DNM1L: variants seen among roughly 807,000 people sequenced by gnomAD.
DNM1L encodes dynamin-1-like protein.
A neutral mutation model predicts 92.8 loss-of-function variants in DNM1L; 33 were observed. That is an observed-to-expected ratio of 0.36 (90% confidence interval 0.27 to 0.48). The LOEUF is 0.48. Among genes scored for constraint, DNM1L ranks in the 20% least tolerant of loss-of-function variants. The probability of loss-of-function intolerance (pLI) is 0.99; values close to 1 mark genes in which losing one functional copy is unlikely to be tolerated. For synonymous variants in DNM1L, 284 were observed against 305.0 expected (o/e 0.93, Z 0.72); for missense variants, 485 against 888.8 (o/e 0.55, Z 5.78).
rs1262228375 is a variant in DNM1L at position 32,743,675 on chromosome 12, TA to T, written c.*270del. 8.4e-6 allele frequency: 4 copies of T among 473,820 alleles called. No homozygotes were observed. The highest frequency in any genetic ancestry group is 7.8e-5 in the African/African-American group (4 of 51,420). 29.4% of individuals were successfully genotyped at this position (473,820 alleles called of 1,614,324 possible). A position where few individuals can be genotyped will look rare whatever the true frequency, so the allele number is the denominator to read the frequency against. On this transcript the variant is annotated 3_prime_UTR_variant, in exon 20 of 20. Transcript: ENST00000549701. ...GTGACAGTTTCATCTGAACTTAACT[TA>T]AAAACAACTGTTAATGTTCTAGTTG...
intron 1 of DNM1L, among the ~76,000 whole-genome samples, chr12:32,689,420 C>T (rs1952146016): frequency 6.6e-6 from 1 of 152,050 alleles, no homozygotes; most frequent in African/African-American, 2.4e-5. Context: ...TGGTCTCAAC[C>T]TCAGGTGATC....
At chr12:32,713,487 GAT>G in intron 6 of DNM1L, 116 bp downstream of exon 6, 1 of 1,136,960 alleles carries the variant, frequency 8.8e-7, no homozygotes, top group Admixed American at 2.1e-5. Context: ...AAATTTAAAA[GAT>G]AATGCTTTCC....
chr12:32,700,629 C>T (rs756183085), intron 1 of DNM1L, among the ~76,000 whole-genome samples: 18 of 151,894 alleles, frequency 1.2e-4, no homozygotes, highest in Admixed American at 5.3e-4. Flanking sequence ...CCTGTAGTCT[C>T]AGCTACTGGG....
At chr12:32,733,442 T>A in intron 12 of DNM1L, 1 of 379,118 alleles carries the variant, frequency 2.6e-6, no homozygotes, top group East Asian at 5.4e-5. Flanking sequence ...TGACTATTTT[T>A]CCCTAAGAGT....
rs552699796 is a variant in DNM1L, at chr12:32,740,259, G to A, written c.1884+19G>A. 3 of 1,614,188 alleles carry A rather than the reference G, an allele frequency of 1.9e-6. No individual in the cohort carries two copies. The highest frequency in any genetic ancestry group is 2.7e-5 in the African/African-American group (2 of 75,044). The stretch of plus-strand genomic sequence containing the variant: ...AGATGTGGTAAGCCATGACAATTTG[G>A]TTTAGGTAATAAGGTAGGTGACCAA... On this transcript the variant is annotated intron_variant, in intron 17 of 19. Coordinates refer to ENST00000549701, the MANE Select transcript of DNM1L (RefSeq NM_012062.5).
intron 9 of DNM1L, among the ~76,000 whole-genome samples, chr12:32,724,586 AAAAAAAAAT>A (rs1342853045): frequency 2.6e-4 from 18 of 69,644 alleles, no homozygotes; most frequent in African/African-American, 6.7e-4. Flanking sequence ...CAAAAAAAAA[AAAAAAAAAT>A]ATATATATAT....
intron 1 of DNM1L, among the ~76,000 whole-genome samples, chr12:32,695,112 C>A (rs1592578862): frequency 1.3e-5 from 2 of 152,106 alleles, no homozygotes; most frequent in East Asian, 3.9e-4. Flanking sequence ...CAGATAAAAG[C>A]AGGGGAGGTA....
chr12:32,741,317 G>A (rs147955631), intron 18 of DNM1L, among the ~76,000 whole-genome samples: 4 of 152,226 alleles, frequency 2.6e-5, no homozygotes, highest in East Asian at 1.9e-4. Flanking sequence ...ATGGAGTCTC[G>A]CTTTGTCGCC....
chr12:32,718,051 T>A (rs1204628887), intron 6 of DNM1L, among the ~76,000 whole-genome samples: 1 of 132,044 alleles, frequency 7.6e-6, no homozygotes, highest in Non-Finnish European at 1.6e-5. Context: ...ATACTATATA[T>A]ACTATACATA....
At chr12:32,732,504 T>A (rs1474221939) in intron 12 of DNM1L, 1 of 455,858 alleles carries the variant, frequency 2.2e-6, no homozygotes, top group Non-Finnish European at 4.4e-6. Context: ...TGGCTGGGTT[T>A]TTTGTTTTTT....
At position 32,731,810 on chromosome 12, in the gene DNM1L, A is replaced by G. The variant is rs974161404; in HGVS notation, c.1357-44A>G. 5 of 1,560,220 alleles carry G rather than the reference A, an allele frequency of 3.2e-6. No individual in the cohort carries two copies. Among genetic ancestry groups the G allele is most frequent in the Non-Finnish European group, 4.4e-6 (5 of 1,131,872 alleles). ...CTTAGTGAGACTATGACTTAAAAAA[A>G]AAACAAAAAACAAACACGTTTTTCT... On this transcript the variant is annotated intron_variant, in intron 11 of 19. Coordinates refer to ENST00000549701, the MANE Select transcript of DNM1L (RefSeq NM_012062.5). This position sits in a 1 kb window ranked among gnomAD's most constrained non-coding sequence, Gnocchi z 5.1.
intron 2 of DNM1L, among the ~76,000 whole-genome samples, chr12:32,704,575 A>C (rs1408450038): frequency 1.3e-5 from 2 of 151,998 alleles, no homozygotes; most frequent in African/African-American, 4.8e-5. Context: ...ATGCAAACAT[A>C]CATGTTTCGT....
chr12:32,704,544 C>T (rs1039474997), intron 2 of DNM1L, among the ~76,000 whole-genome samples: 28 of 72,604 alleles, frequency 3.9e-4, no homozygotes, highest in South Asian at 1.3e-3. Context: ...AGCAAGACTC[C>T]GTCTTAAAAA....
chr12:32,707,442 T>C (rs781443603), intron 3 of DNM1L, 29 bp downstream of exon 3: 14 of 1,513,250 alleles, frequency 9.3e-6, no homozygotes, highest in Non-Finnish European at 1.2e-5. Flanking sequence ...AATGAAGAAA[T>C]AATGTTGAAA....
intron 1 of DNM1L, chr12:32,679,926 C>T (rs1358140991): frequency 8.1e-6 from 8 of 986,006 alleles, no homozygotes; most frequent in African/African-American, 1.7e-5. Flanking sequence ...TCCCTCCTTG[C>T]CTTGCCCAGG....
chr12:32,738,269 T>G lies in DNM1L; in HGVS notation c.1680T>G (p.Ile560Met). 1 of 1,613,684 alleles carries G rather than the reference T, an allele frequency of 6.2e-7. No homozygotes were observed. The highest frequency in any genetic ancestry group is 8.5e-7 in the Non-Finnish European group (1 of 1,179,774). Residue 560 changes from isoleucine (I) to methionine (M), a missense_variant, in exon 16 of 20, where the codon ATT (isoleucine) becomes ATG (methionine). Ile to Met is a conservative substitution (Grantham distance 10). Around this residue, in one of 11 missense-constraint regions of DNM1L, gnomAD observed 133 missense variants for 210.9 expected, o/e 0.63. Transcript: ENST00000549701. Reference protein sequence around the residue: ...AASAEADGKLIQDSRRETKNV... With the variant: ...AASAEADGKLMQDSRRETKNV... ...TTTAACATATCTTTTAACAGTTAATTCAGGACAGCAGAAGAGAAACTAAAA... is the reference window on the plus strand; with the variant it reads ...TTTAACATATCTTTTAACAGTTAATGCAGGACAGCAGAAGAGAAACTAAAA...
At chr12:32,680,393 C>A (rs577509266) in intron 1 of DNM1L, among the ~76,000 whole-genome samples, 5 of 152,226 alleles carry the variant, frequency 3.3e-5, no homozygotes, top group African/African-American at 9.6e-5. Flanking sequence ...TGAGAAGGAG[C>A]GGTTTCCCCA....
intron 1 of DNM1L, among the ~76,000 whole-genome samples, chr12:32,680,957 A>G (rs76327016): frequency 0.019 from 2,839 of 152,334 alleles, 94 homozygotes; most frequent in African/African-American, 0.066. Flanking sequence ...AGTGCTTTTT[A>G]AGCATGAGGA....
rs1257695811 is a variant in DNM1L, at chr12:32,738,382, G to A, written c.1707+86G>A. On this transcript the variant is annotated intron_variant, in intron 16 of 19. Coordinates refer to ENST00000549701, the MANE Select transcript of DNM1L (RefSeq NM_012062.5). ...TATACCACCATTAAAGAACCTGTTT[G>A]TGTAGTGGTATCTATCTCTTGTCTG... is the stretch of plus-strand genomic sequence containing the variant. The A allele has an allele frequency of 7.2e-6, 10 of 1,394,284 alleles. No individual in the cohort carries two copies. The South Asian group carries it at 1.2e-4, about 16-fold the overall frequency. The allele number at this position is 1,394,284 out of a possible 1,614,324, so 86.4% of individuals were successfully genotyped here.
Sources: allele counts gnomAD v4.1 joint callset (sites outside exome capture counted in the v4.1 genomes callset), GRCh38; gene constraint gnomAD v4.1.1; regional missense constraint gnomAD v4.1.1; non-coding constraint Gnocchi (gnomAD v3.1); transcripts MANE v1.5; gene names NCBI Gene and HGNC (gene_info 2026-07-23, HGNC 2026-07-21).